Variants in KATNBL1 observed in about 807,000 individuals in gnomAD.
The protein encoded by KATNBL1 is katanin regulatory subunit B1 like 1, also known as KATNB1-like protein 1.
In KATNBL1, 28 loss-of-function variants were observed where a neutral mutation model predicts 44.7. That is an observed-to-expected ratio of 0.63 (90% CI 0.46 to 0.86). The LOEUF (loss-of-function observed/expected upper bound fraction) is 0.86, where lower values mean the gene tolerates loss of function less well. KATNBL1 is among the 40% of genes least tolerant of loss of function. KATNBL1 has a pLI of 0.00. For synonymous variants in KATNBL1, 78 were observed against 114.9 expected (o/e 0.68, Z 2.06); for missense variants, 272 against 350.7 (o/e 0.78, Z 1.79).
At chr15:34,185,361 A>G (rs78843202) in intron 1 of KATNBL1, among the ~76,000 whole-genome samples, 10,203 of 152,300 alleles carry the variant, frequency 0.067, 388 homozygotes, top group Middle Eastern at 0.11. Flanking sequence ...AGACTTAACA[A>G]TCTACAAATA....
chr15:34,183,041 A>G (rs1211189004), intron 1 of KATNBL1, among the ~76,000 whole-genome samples: 1 of 152,242 alleles, frequency 6.6e-6, no homozygotes, highest in African/African-American at 2.4e-5. Flanking sequence ...TTTGCTTGAC[A>G]GAGCTGAGAA....
At chr15:34,200,098 T>A (rs933965197) in intron 1 of KATNBL1, among the ~76,000 whole-genome samples, 3 of 152,176 alleles carry the variant, frequency 2.0e-5, no homozygotes, top group African/African-American at 7.2e-5. Context: ...TGGGTGCATT[T>A]ACAATCCTCT....
At chr15:34,153,090 C>A in intron 3 of KATNBL1, 21 bp from the exon 4 acceptor site, 2 of 1,549,966 alleles carry the variant, frequency 1.3e-6, no homozygotes, top group South Asian at 2.4e-5. Flanking sequence ...AATTTATTTT[C>A]TTAAATGAAA....
intron 1 of KATNBL1, among the ~76,000 whole-genome samples, chr15:34,195,690 C>CAAAAAAAAAAAAAAAAAAAAAA (rs5811824): frequency 9.0e-6 from 1 of 111,434 alleles, no homozygotes; most frequent in Admixed American, 9.3e-5. Flanking sequence ...GACGCCATCT[C>CAAAAAAAAAAAAAAAAAAAAAA]AAAAAAAAAA....
At chr15:34,199,115 T>C (rs1044569971) in intron 1 of KATNBL1, among the ~76,000 whole-genome samples, 6 of 152,190 alleles carry the variant, frequency 3.9e-5, no homozygotes, top group African/African-American at 1.4e-4. Flanking sequence ...TATTGTCTAC[T>C]ATACTTGTTA....
At chr15:34,156,966 A>G (rs11073002) in intron 2 of KATNBL1, among the ~76,000 whole-genome samples, 148,841 of 152,288 alleles carry the variant, frequency 0.98, 72,821 homozygotes, top group East Asian at 1. Flanking sequence ...TGTATTGGGA[A>G]GGCAAGACTC....
At chr15:34,163,470 C>T in intron 2 of KATNBL1, 90 bp downstream of exon 2, 1 of 1,394,042 alleles carries the variant, frequency 7.2e-7, no homozygotes, top group Non-Finnish European at 9.7e-7. Context: ...GAATTATTAT[C>T]CTCCCATTGT....
At chr15:34,191,054 T>TA (rs1163001685) in intron 1 of KATNBL1, among the ~76,000 whole-genome samples, 2 of 151,082 alleles carry the variant, frequency 1.3e-5, no homozygotes, top group Non-Finnish European at 2.9e-5. Context: ...GATCCTAGTT[T>TA]AAAAAAAACA....
At chr15:34,172,315 G>A (rs948743841) in intron 1 of KATNBL1, among the ~76,000 whole-genome samples, 2 of 135,226 alleles carry the variant, frequency 1.5e-5, no homozygotes, top group Admixed American at 8.5e-5. Context: ...GAAGTCCAGT[G>A]GCACGATCTC....
chr15:34,167,754 A>G (rs1035871595), intron 1 of KATNBL1, among the ~76,000 whole-genome samples: 25 of 152,360 alleles, frequency 1.6e-4, no homozygotes, highest in Non-Finnish European at 5.9e-5. Context: ...CAGAAACCCT[A>G]CAAGCCAGAA....
chr15:34,181,154 G>T (rs1484519991), intron 1 of KATNBL1, among the ~76,000 whole-genome samples: 6 of 149,306 alleles, frequency 4.0e-5, no homozygotes, highest in Non-Finnish European at 9.0e-5. Context: ...GATTTTAATG[G>T]ATGCTGTATG....
chr15:34,147,803 T>C (rs1220179766), intron 5 of KATNBL1, among the ~76,000 whole-genome samples: 1 of 152,172 alleles, frequency 6.6e-6, no homozygotes, highest in Admixed American at 6.5e-5. Flanking sequence ...TCTGAGAGAC[T>C]TGAATACAAT....
At chr15:34,176,456 C>T (rs1386005116) in intron 1 of KATNBL1, among the ~76,000 whole-genome samples, 1 of 151,430 alleles carries the variant, frequency 6.6e-6, no homozygotes. Context: ...ACATGAAAGA[C>T]CACATATTAT....
At chr15:34,154,181 G>A (rs1490296509) in intron 3 of KATNBL1, among the ~76,000 whole-genome samples, 3 of 152,168 alleles carry the variant, frequency 2.0e-5, no homozygotes, top group Non-Finnish European at 4.4e-5. Flanking sequence ...ACAAGAGAAT[G>A]AAAATGAAGA....
intron 2 of KATNBL1, among the ~76,000 whole-genome samples, chr15:34,162,636 A>T (rs1888842669): frequency 6.6e-6 from 1 of 152,144 alleles, no homozygotes; most frequent in Admixed American, 6.5e-5. Flanking sequence ...TAGAGATAGG[A>T]TCTCGCACTG....
chr15:34,153,173 C>A, intron 3 of KATNBL1, 104 bp from the exon 4 acceptor site: 4 of 656,388 alleles, frequency 6.1e-6, no homozygotes, highest in Non-Finnish European at 9.7e-6. Context: ...TTGTAATCCA[C>A]TAAAATTAGA....
chr15:34,172,656 A>G (rs1182520998), intron 1 of KATNBL1, among the ~76,000 whole-genome samples: 1 of 152,136 alleles, frequency 6.6e-6, no homozygotes. Context: ...GAGGCTTGCA[A>G]CCAGGCTTAT....
Position 34,193,230 on chromosome 15 carries a change from A to C in KATNBL1, c.-15+16721T>G, listed in dbSNP as rs1161581439. On this transcript the variant is annotated intron_variant, in intron 1 of 9. Transcript: ENST00000256544. Reference sequence around the variant, plus strand: ...AGACTCCGTCTCAAAAAAAAAAAAAAAAAAACAAAAAAAAAACTTAAGGCC... The same window carrying C: ...AGACTCCGTCTCAAAAAAAAAAAAACAAAAACAAAAAAAAAACTTAAGGCC... 2.8e-5 allele frequency among the ~76,000 whole-genome samples: 3 copies of C among 105,876 alleles called. 1 individual carries two copies. Among genetic ancestry groups the C allele is most frequent in the African/African-American group, 9.1e-5 (3 of 32,880 alleles). 69.5% of individuals were successfully genotyped at this position (105,876 alleles called of 152,430 possible). A position where few individuals can be genotyped will look rare whatever the true frequency, so the allele number is the denominator to read the frequency against.
At chr15:34,182,213 T>C (rs1224061869) in intron 1 of KATNBL1, among the ~76,000 whole-genome samples, 2 of 152,086 alleles carry the variant, frequency 1.3e-5, no homozygotes, top group East Asian at 1.9e-4. Context: ...AAACAGATGA[T>C]ACAGTTTTCA....
Sources: allele counts gnomAD v4.1 joint callset (sites outside exome capture counted in the v4.1 genomes callset), GRCh38; gene constraint gnomAD v4.1.1; transcripts MANE v1.5; gene names NCBI Gene and HGNC (gene_info 2026-07-23, HGNC 2026-07-21).